Variants in STRN3 observed in about 807,000 individuals in gnomAD.
The protein encoded by STRN3 is striatin-3.
In STRN3, 29 loss-of-function variants were observed where a neutral mutation model predicts 95.6. The ratio of observed to expected loss-of-function variants is 0.30; its 90% CI spans 0.23 to 0.41. The LOEUF is 0.41. Ranked by LOEUF, STRN3 falls within the 10% of genes least tolerant of loss-of-function variation. STRN3 has a pLI of 1.00. For missense variants in STRN3, 890 were observed against 972.1 expected (o/e 0.92, Z 1.12); for synonymous variants, 331 against 357.6 (o/e 0.93, Z 0.84).
At chr14:30,903,183 ACTC>A (rs912463227) in intron 15 of STRN3, among the ~76,000 whole-genome samples, 2 of 152,014 alleles carry the variant, frequency 1.3e-5, no homozygotes, top group African/African-American at 4.8e-5. Context: ...ATGGGGGGAA[ACTC>A]CTCAATATTA....
At chr14:30,929,354 G>T in intron 7 of STRN3, 43 bp from the exon 8 acceptor site, 1 of 1,473,772 alleles carries the variant, frequency 6.8e-7, no homozygotes, top group Non-Finnish European at 9.5e-7. Context: ...TCAGCAGTTG[G>T]CAATGCAAGC....
chr14:30,955,599 TA>T lies in STRN3; in HGVS notation c.460+20del. The T allele has an allele frequency of 6.5e-7, 1 of 1,526,846 alleles. No homozygotes were observed. The highest frequency in any genetic ancestry group is 8.7e-7 in the Non-Finnish European group (1 of 1,144,838). 94.6% of individuals were successfully genotyped at this position (1,526,846 alleles called of 1,614,324 possible). A position where few individuals can be genotyped will look rare whatever the true frequency, so the allele number is the denominator to read the frequency against. On this transcript the variant is annotated intron_variant, in intron 3 of 17. Transcript: ENST00000357479. ...AAAAATGAATTAAAAAAAAAAAAAG[TA>T]ACAGAAGAAGCAAGTTTACCTGACT...
chr14:31,020,394 A>T lies in STRN3; in HGVS notation c.282+5510T>A, dbSNP rs571501124. Among the ~76,000 whole-genome samples the T allele has an allele frequency of 2.1e-3, 312 of 152,056 alleles. 3 individuals are homozygous for T. Among genetic ancestry groups the T allele is most frequent in the Non-Finnish European group, 1.4e-3 (98 of 67,990 alleles). On this transcript the variant is annotated intron_variant, in intron 1 of 17. Coordinates refer to ENST00000357479, the MANE Select transcript of STRN3 (RefSeq NM_001083893.2). ...GGTGCTTGTAATTCCAGCTACTCAG[A>T]AGACTGAGGCATGAGAACTGCCTGA... is the stretch of plus-strand genomic sequence containing the variant.
intron 9 of STRN3, 40 bp from the exon 10 acceptor site, chr14:30,913,697 A>G (rs1263190755): frequency 6.2e-7 from 1 of 1,609,228 alleles, no homozygotes; most frequent in Non-Finnish European, 8.5e-7. Context: ...CTGAAAAATC[A>G]TACAGTACAA....
At chr14:31,011,852 G>A (rs1424452201) in intron 1 of STRN3, among the ~76,000 whole-genome samples, 2 of 152,102 alleles carry the variant, frequency 1.3e-5, no homozygotes, top group African/African-American at 4.8e-5. Context: ...GGCCAAGGTG[G>A]GAGGACCACC....
intron 15 of STRN3, among the ~76,000 whole-genome samples, chr14:30,903,610 G>C (rs1896383492): frequency 6.6e-6 from 1 of 152,156 alleles, no homozygotes; most frequent in Non-Finnish European, 1.5e-5. Flanking sequence ...ATGTTGCCCA[G>C]ACTGGTCTCT....
chr14:30,940,220 C>G (rs1381904694), intron 5 of STRN3, among the ~76,000 whole-genome samples: 1 of 152,120 alleles, frequency 6.6e-6, no homozygotes, highest in Non-Finnish European at 1.5e-5. Context: ...TGTCCAGGCC[C>G]ACTGCACAAC....
chr14:30,908,923 T>C (rs966761408), intron 13 of STRN3, among the ~76,000 whole-genome samples: 1 of 152,228 alleles, frequency 6.6e-6, no homozygotes, highest in South Asian at 2.1e-4. Flanking sequence ...GCTCCTTATT[T>C]GTATATTACC....
At chr14:30,993,425 G>C (rs1882056632) in intron 1 of STRN3, among the ~76,000 whole-genome samples, 1 of 152,186 alleles carries the variant, frequency 6.6e-6, no homozygotes, top group South Asian at 2.1e-4. Flanking sequence ...AAAACAAATA[G>C]ATTAGGAATT....
At chr14:30,981,824 G>C (rs1881417026) in intron 1 of STRN3, among the ~76,000 whole-genome samples, 1 of 152,176 alleles carries the variant, frequency 6.6e-6, no homozygotes, top group African/African-American at 2.4e-5. Flanking sequence ...GCTGGGTGCG[G>C]TGGCTCACGC....
At chr14:31,025,555 G>C in intron 1 of STRN3, 1 of 333,316 alleles carries the variant, frequency 3.0e-6, no homozygotes, top group Non-Finnish European at 5.7e-6. Flanking sequence ...AGTGTTGAGA[G>C]GCCCCAAACC....
At position 30,911,784 on chromosome 14, in the gene STRN3, C is replaced by T. The variant is rs996572404; in HGVS notation, c.1591G>A (p.Ala531Thr). 3.1e-6 allele frequency: 5 copies of T among 1,606,048 alleles called. No individual in the cohort carries two copies. The highest frequency in any genetic ancestry group is 1.3e-5 in the African/African-American group (1 of 74,356). ...CAATTCAGTAAAACTTACATGTGGG[C>T]CCTAAATGTGTAGATAGGCTCTACA... ...LDVEPIYTFRAHIGPVLSLAI... is the reference protein window; with the variant it reads ...LDVEPIYTFRTHIGPVLSLAI... The change falls in exon 12 of 18, where the codon GCC becomes ACC. Residue 531 changes from alanine (A) to threonine (T), a missense_variant. Transcript: ENST00000357479.
At chr14:31,017,854 T>C (rs2139344307) in intron 1 of STRN3, among the ~76,000 whole-genome samples, 1 of 152,056 alleles carries the variant, frequency 6.6e-6, no homozygotes, top group Non-Finnish European at 1.5e-5. Flanking sequence ...AGGCGGGTGA[T>C]CACTTGAGGT....
intron 1 of STRN3, among the ~76,000 whole-genome samples, chr14:31,015,262 C>G (rs974102014): frequency 6.6e-6 from 1 of 152,180 alleles, no homozygotes; most frequent in African/African-American, 2.4e-5. Context: ...GTATGAGTTG[C>G]GTTTCCCCAA....
At chr14:30,949,837 T>C (rs1228279991) in intron 4 of STRN3, among the ~76,000 whole-genome samples, 1 of 152,036 alleles carries the variant, frequency 6.6e-6, no homozygotes, top group Admixed American at 6.6e-5. Flanking sequence ...CTGAGGACAA[T>C]GGAAGCAGGG....
chr14:30,903,349 T>C (rs1896375436), intron 15 of STRN3, among the ~76,000 whole-genome samples: 1 of 152,122 alleles, frequency 6.6e-6, no homozygotes, highest in South Asian at 2.1e-4. Flanking sequence ...AGAAGATAAT[T>C]TTGGTTTAAG....
At chr14:30,995,383 TGGGA>T (rs1882150991) in intron 1 of STRN3, among the ~76,000 whole-genome samples, 1 of 152,186 alleles carries the variant, frequency 6.6e-6, no homozygotes, top group Non-Finnish European at 1.5e-5. Flanking sequence ...GACACTAGCC[TGGGA>T]GTTTAGAGAC....
intron 1 of STRN3, among the ~76,000 whole-genome samples, chr14:30,992,479 C>T (rs1882004874): frequency 6.8e-6 from 1 of 147,224 alleles, no homozygotes; most frequent in Admixed American, 6.9e-5. Flanking sequence ...TCTCAAACTT[C>T]TAGGATCAAC....
At chr14:30,986,021 C>T (rs1306152834) in intron 1 of STRN3, among the ~76,000 whole-genome samples, 2 of 151,996 alleles carry the variant, frequency 1.3e-5, no homozygotes, top group African/African-American at 4.8e-5. Flanking sequence ...GCCTTAACCA[C>T]AAGATGGGAA....
Sources: allele counts gnomAD v4.1 joint callset (sites outside exome capture counted in the v4.1 genomes callset), GRCh38; gene constraint gnomAD v4.1.1; transcripts MANE v1.5; gene names NCBI Gene and HGNC (gene_info 2026-07-23, HGNC 2026-07-21).